Variants in GABRR3 observed in about 807,000 individuals in gnomAD.
The protein encoded by GABRR3 is gamma-aminobutyric acid receptor subunit rho-3.
A neutral mutation model predicts 43.2 loss-of-function variants in GABRR3; 29 were observed. The ratio of observed to expected loss-of-function variants is 0.67; its 90% CI spans 0.50 to 0.92. The LOEUF (loss-of-function observed/expected upper bound fraction) is 0.92, where lower values mean the gene tolerates loss of function less well. GABRR3 is among the 40% of genes least tolerant of loss of function. GABRR3 has a pLI of 0.00. For missense variants in GABRR3, 576 were observed against 572.3 expected (o/e 1.01, Z -0.07); for synonymous variants, 206 against 195.9 (o/e 1.05, Z -0.43).
In GABRR3 at chr3:98,034,972, G is replaced by A. The variant is rs767818851; in HGVS notation, c.16C>T (p.Gln6Ter). 1 of 1,612,502 alleles carries A rather than the reference G, an allele frequency of 6.2e-7. No homozygotes were observed. The highest frequency in any genetic ancestry group is 1.1e-5 in the South Asian group (1 of 90,966). ...CAGATGTAGGTGAAGGAGACTAACT[G>A]GAAAGCCAGGACCATCTCTTCCAAA... The change falls in exon 2 of 10, where the codon CAG becomes TAG. Residue 6 changes from glutamine to a stop codon, truncating the protein, a stop_gained. Coordinates refer to ENST00000621172, the Ensembl canonical transcript of GABRR3. LOFTEE classifies it high-confidence loss of function.
chr3:97,989,281 G>C (rs1706431624), intron 9 of GABRR3, among the ~76,000 whole-genome samples: 1 of 151,126 alleles, frequency 6.6e-6, no homozygotes, highest in South Asian at 2.1e-4. Context: ...GGATGGTGGT[G>C]GTGGATGTGG....
intron 9 of GABRR3, among the ~76,000 whole-genome samples, chr3:97,991,433 A>C (rs1250237079): frequency 2.6e-5 from 4 of 152,208 alleles, no homozygotes; most frequent in Non-Finnish European, 4.4e-5. Context: ...TACTGCTCTA[A>C]CAGCTCCTGG....
exon 6 of GABRR3, chr3:98,009,004 T>C (rs746908555): frequency 1.2e-6 from 2 of 1,608,318 alleles, no homozygotes; most frequent in Non-Finnish European, 8.5e-7. Context: ...GGAAACCTGC[T>C]GAAATCCATA....
At chr3:98,023,385 G>T (rs1206262881) in intron 3 of GABRR3, among the ~76,000 whole-genome samples, 1 of 152,114 alleles carries the variant, frequency 6.6e-6, no homozygotes, top group Non-Finnish European at 1.5e-5. Context: ...CTCCGGAGTG[G>T]CCAGTTTCAA....
chr3:98,021,457 C>T (rs1046711806), intron 3 of GABRR3, among the ~76,000 whole-genome samples: 1 of 152,128 alleles, frequency 6.6e-6, no homozygotes, highest in Non-Finnish European at 1.5e-5. Flanking sequence ...TACCTCAACT[C>T]CTCATGTAAT....
chr3:98,029,584 C>T (rs1333701709), intron 2 of GABRR3, among the ~76,000 whole-genome samples: 1 of 152,130 alleles, frequency 6.6e-6, no homozygotes, highest in Non-Finnish European at 1.5e-5. Context: ...TATAAAACTG[C>T]TTTCCCTGGA....
intron 2 of GABRR3, among the ~76,000 whole-genome samples, chr3:98,032,899 T>C (rs755447597): frequency 1.3e-5 from 2 of 152,192 alleles, no homozygotes; most frequent in African/African-American, 2.4e-5. Context: ...CATTACTTAA[T>C]TATTGGCTGA....
Position 97,991,096 on chromosome 3 carries a change from T to TG in GABRR3, c.1104+1755dup, listed in dbSNP as rs1336451054. Among the ~76,000 whole-genome samples the TG allele has an allele frequency of 4.6e-5, 7 of 152,092 alleles. No homozygotes were observed. In the East Asian group the frequency reaches 1.3e-3, roughly 29 times the overall value. On this transcript the variant is annotated intron_variant, in intron 9 of 9. Coordinates refer to ENST00000621172, the Ensembl canonical transcript of GABRR3. Reference sequence around the variant, plus strand: ...GAGTGAACACACGTTGTGTGGCAGGTGGGGGCAGGGAGTTGTAGACATTTT... The same window carrying TG: ...GAGTGAACACACGTTGTGTGGCAGGTGGGGGGCAGGGAGTTGTAGACATTTT...
At chr3:97,986,833 A>G in exon 10 of GABRR3, 5 of 1,612,836 alleles carry the variant, frequency 3.1e-6, no homozygotes, top group Non-Finnish European at 4.2e-6. Flanking sequence ...TCCGAGATGA[A>G]TCGGTGCTGG....
At chr3:98,011,370 T>G (rs1706790298) in intron 5 of GABRR3, among the ~76,000 whole-genome samples, 1 of 152,324 alleles carries the variant, frequency 6.6e-6, no homozygotes, top group Non-Finnish European at 1.5e-5. Flanking sequence ...GAAATCAAAG[T>G]GTCATAAAGG....
At chr3:98,007,395 T>G (rs1289567750) in intron 7 of GABRR3, among the ~76,000 whole-genome samples, 1 of 151,576 alleles carries the variant, frequency 6.6e-6, no homozygotes, top group African/African-American at 2.4e-5. Flanking sequence ...AGTGGGTGAG[T>G]CCCACATTAG....
At chr3:98,032,998 G>A (rs1707109447) in intron 2 of GABRR3, among the ~76,000 whole-genome samples, 1 of 152,126 alleles carries the variant, frequency 6.6e-6, no homozygotes, top group African/African-American at 2.4e-5. Flanking sequence ...CTCTAAAAAT[G>A]ACTCTATACA....
chr3:98,001,856 A>G, intron 7 of GABRR3, 89 bp from the exon 8 acceptor site: 2 of 1,419,778 alleles, frequency 1.4e-6, no homozygotes, highest in Non-Finnish European at 2.0e-6. Flanking sequence ...TTAGACTCCA[A>G]GCTCTTGGGG....
chr3:98,009,119 A>T, intron 5 of GABRR3, 81 bp from the exon 6 acceptor site: 1 of 860,302 alleles, frequency 1.2e-6, no homozygotes, highest in Non-Finnish European at 1.9e-6. Flanking sequence ...AAGCTTTCTT[A>T]CTGTTTGCTG....
chr3:98,004,780 T>A (rs1005903329), intron 7 of GABRR3, among the ~76,000 whole-genome samples: 3 of 152,020 alleles, frequency 2.0e-5, no homozygotes, highest in Non-Finnish European at 4.4e-5. Context: ...ATAGTTTTTC[T>A]ATACACCTGG....
At chr3:97,993,756 C>A (rs2107227206) in intron 8 of GABRR3, among the ~76,000 whole-genome samples, 1 of 152,170 alleles carries the variant, frequency 6.6e-6, no homozygotes, top group East Asian at 1.9e-4. Context: ...CTTCCCTCCC[C>A]CTCTTCCCTT....
chr3:98,018,279 T>G (rs1403924694), intron 3 of GABRR3, among the ~76,000 whole-genome samples: 1 of 152,188 alleles, frequency 6.6e-6, no homozygotes, highest in Non-Finnish European at 1.5e-5. Flanking sequence ...AGACTAAAAG[T>G]ACAGTGCCAC....
chr3:98,024,943 A>G (rs1197369995), intron 3 of GABRR3, among the ~76,000 whole-genome samples: 1 of 152,234 alleles, frequency 6.6e-6, no homozygotes, highest in Non-Finnish European at 1.5e-5. Flanking sequence ...CTGCCATCGC[A>G]GCTCAGCTCT....
intron 9 of GABRR3, among the ~76,000 whole-genome samples, chr3:97,991,223 T>C (rs1706462094): frequency 6.6e-6 from 1 of 152,188 alleles, no homozygotes; most frequent in African/African-American, 2.4e-5. Context: ...TGAAGAAAAT[T>C]CTTTCCCTCC....
Sources: allele counts gnomAD v4.1 joint callset (sites outside exome capture counted in the v4.1 genomes callset), GRCh38; gene constraint gnomAD v4.1.1; transcripts MANE v1.5; gene names NCBI Gene and HGNC (gene_info 2026-07-23, HGNC 2026-07-21).